ARHGAP26: variants seen among roughly 807,000 people sequenced by gnomAD.
The protein encoded by ARHGAP26 is rho GTPase-activating protein 26.
A neutral mutation model predicts 104.8 loss-of-function variants in ARHGAP26; 38 were observed. The ratio of observed to expected loss-of-function variants is 0.36; its 90% CI spans 0.28 to 0.48. The LOEUF (loss-of-function observed/expected upper bound fraction) is 0.48, where lower values mean the gene tolerates loss of function less well. ARHGAP26 is among the 20% of genes least tolerant of loss of function. ARHGAP26 has a pLI of 0.99. For synonymous variants in ARHGAP26, 341 were observed against 340.0 expected (o/e 1.00, Z -0.03); for missense variants, 704 against 947.9 (o/e 0.74, Z 3.38).
chr5:142,919,256 T>C (rs193042194), intron 10 of ARHGAP26: 18 of 398,510 alleles, frequency 4.5e-5, no homozygotes, highest in Non-Finnish European at 7.5e-5. Context: ...GAAGATACCG[T>C]GTTAACATGA....
chr5:142,806,173 G>T (rs913537140), intron 1 of ARHGAP26, among the ~76,000 whole-genome samples: 1 of 152,222 alleles, frequency 6.6e-6, no homozygotes, highest in African/African-American at 2.4e-5. Flanking sequence ...GCTCACTGGA[G>T]CCTTGACCTT....
intron 1 of ARHGAP26, among the ~76,000 whole-genome samples, chr5:142,857,324 A>C (rs1472605853): frequency 1.3e-5 from 2 of 152,162 alleles, no homozygotes; most frequent in East Asian, 3.9e-4. Flanking sequence ...CTGTGCTAGG[A>C]GGCTTCCTCC....
At chr5:143,110,827 G>A (rs2150711939) in intron 17 of ARHGAP26, among the ~76,000 whole-genome samples, 1 of 152,284 alleles carries the variant, frequency 6.6e-6, no homozygotes, top group East Asian at 1.9e-4. Context: ...TTCCCCATCT[G>A]CACCCTGTGG....
At chr5:142,851,556 C>T (rs1023550894) in intron 1 of ARHGAP26, among the ~76,000 whole-genome samples, 1 of 152,200 alleles carries the variant, frequency 6.6e-6, no homozygotes, top group African/African-American at 2.4e-5. Context: ...GGCTCATGCA[C>T]AAGAACTGAG....
chr5:142,787,541 C>T (rs1758916997), intron 1 of ARHGAP26, among the ~76,000 whole-genome samples: 1 of 152,132 alleles, frequency 6.6e-6, no homozygotes, highest in Non-Finnish European at 1.5e-5. Flanking sequence ...CTTACATCTC[C>T]CTCCCTTGGA....
chr5:142,926,427 T>A (rs1763903835), intron 10 of ARHGAP26, among the ~76,000 whole-genome samples: 1 of 152,224 alleles, frequency 6.6e-6, no homozygotes, highest in African/African-American at 2.4e-5. Context: ...GTATTTTAAG[T>A]GGATTCTTAG....
At chr5:143,129,710 T>G (rs545555751) in intron 18 of ARHGAP26, among the ~76,000 whole-genome samples, 2 of 152,210 alleles carry the variant, frequency 1.3e-5, no homozygotes, top group Non-Finnish European at 2.9e-5. Flanking sequence ...ATAATCCATG[T>G]AGATAATCCA....
intron 11 of ARHGAP26, among the ~76,000 whole-genome samples, chr5:143,004,721 T>C (rs1046881100): frequency 6.6e-6 from 1 of 152,226 alleles, no homozygotes; most frequent in Non-Finnish European, 1.5e-5. Context: ...GGTATTGTGA[T>C]GTTTTGAAGC....
intron 11 of ARHGAP26, among the ~76,000 whole-genome samples, chr5:143,013,486 A>G (rs1270488113): frequency 6.6e-6 from 1 of 152,228 alleles, no homozygotes; most frequent in African/African-American, 2.4e-5. Flanking sequence ...TGGAAAATAT[A>G]TATTCTCCTT....
At chr5:143,132,188 T>C (rs1459218299) in intron 18 of ARHGAP26, among the ~76,000 whole-genome samples, 1 of 152,164 alleles carries the variant, frequency 6.6e-6, no homozygotes, top group African/African-American at 2.4e-5. Context: ...TTTAACCAGC[T>C]GGCTGGCATC....
At chr5:143,163,082 T>C (rs1801465888) in intron 20 of ARHGAP26, among the ~76,000 whole-genome samples, 1 of 152,072 alleles carries the variant, frequency 6.6e-6, no homozygotes, top group Non-Finnish European at 1.5e-5. Flanking sequence ...ACCACTGCAC[T>C]CCAGCCTGGG....
rs1464949775 is a variant in ARHGAP26, at chr5:143,225,999, T to C, written c.*3553T>C. On this transcript the variant is annotated 3_prime_UTR_variant, in exon 23 of 23. Coordinates refer to ENST00000645722, the MANE Select transcript of ARHGAP26 (RefSeq NM_001135608.3). ...CTCTCTCTGTGTGAACAGGAAACTT[T>C]AGGGCAGATGAGGAGAATGAATTGG... 2 of 217,086 alleles carry C rather than the reference T, an allele frequency of 9.2e-6. No homozygotes were observed. The highest frequency in any genetic ancestry group is 1.9e-5 in the Non-Finnish European group (2 of 107,578). 13.4% of individuals were successfully genotyped at this position (217,086 alleles called of 1,614,324 possible).
intron 7 of ARHGAP26, among the ~76,000 whole-genome samples, chr5:142,902,931 A>T (rs1455155038): frequency 1.3e-5 from 2 of 152,022 alleles, no homozygotes; most frequent in African/African-American, 4.8e-5. Flanking sequence ...GCAGAGGGGG[A>T]AATAGAGCTG....
chr5:143,069,384 T>C (rs1787942737), intron 17 of ARHGAP26, among the ~76,000 whole-genome samples: 1 of 152,170 alleles, frequency 6.6e-6, no homozygotes, highest in African/African-American at 2.4e-5. Flanking sequence ...GTGGAAAATA[T>C]CCAGGTAACT....
intron 17 of ARHGAP26, among the ~76,000 whole-genome samples, chr5:143,100,966 G>T (rs1208523624): frequency 6.6e-6 from 1 of 152,126 alleles, no homozygotes; most frequent in East Asian, 1.9e-4. Context: ...GGTGACGTGT[G>T]CCTGTAATCT....
At chr5:142,963,198 A>ATGTGTGTGTGTGTG (rs1217350223) in intron 11 of ARHGAP26, among the ~76,000 whole-genome samples, 1,230 of 98,070 alleles carry the variant, frequency 0.013, 70 homozygotes, top group African/African-American at 0.068. Flanking sequence ...ATATATATAT[A>ATGTGTGTGTGTGTG]TGTGTGTGTG....
intron 17 of ARHGAP26, among the ~76,000 whole-genome samples, chr5:143,106,466 CTTT>C (rs70991793): frequency 6.5e-5 from 5 of 77,306 alleles, no homozygotes; most frequent in East Asian, 9.4e-4. Context: ...ATGCATTGGG[CTTT>C]TTTTTTTTTT....
intron 11 of ARHGAP26, among the ~76,000 whole-genome samples, chr5:142,990,514 A>G (rs987542505): frequency 5.9e-5 from 9 of 152,152 alleles, no homozygotes; most frequent in African/African-American, 2.2e-4. Flanking sequence ...GAGGAGCTGC[A>G]TTCCTTGGGA....
Position 142,997,000 on chromosome 5 carries a change from A to G in ARHGAP26, c.1108-17080A>G, listed in dbSNP as rs548760465. The stretch of plus-strand genomic sequence containing the variant: ...TTCAAAACCTAGTAAAGTTGAATAT[A>G]TACATATCCTACAACAGACTGTTGA... On this transcript the variant is annotated intron_variant, in intron 11 of 22. Transcript: ENST00000645722. 5.9e-5 allele frequency among the ~76,000 whole-genome samples: 9 copies of G among 152,302 alleles called. No homozygotes were observed. In the East Asian group the frequency reaches 1.7e-3, roughly 29 times the overall value.
Sources: gnomAD v4.1 joint callset for allele counts (sites outside exome capture counted in the v4.1 genomes callset) on GRCh38, gnomAD v4.1.1 for gene constraint, MANE v1.5 for transcripts, NCBI Gene and HGNC (gene_info 2026-07-23, HGNC 2026-07-21) for gene names.